CLTCL1: variants seen among roughly 807,000 people sequenced by gnomAD.
CLTCL1 encodes clathrin heavy chain like 1, also known as clathrin heavy chain 2.
CLTCL1 carries 159 observed loss-of-function variants against 190.0 expected under a neutral mutation model. The observed-to-expected ratio is 0.84, with a 90% CI of 0.74 to 0.95. The LOEUF (loss-of-function observed/expected upper bound fraction) is 0.95, where lower values mean the gene tolerates loss of function less well. CLTCL1 is among the 40% of genes least tolerant of loss of function. The probability of loss-of-function intolerance (pLI) is 0.00; values close to 1 mark genes in which losing one functional copy is unlikely to be tolerated. For synonymous variants in CLTCL1, 752 were observed against 769.6 expected (o/e 0.98, Z 0.38); for missense variants, 1,878 against 2,033.4 (o/e 0.92, Z 1.47).
intron 17 of CLTCL1, 57 bp from the exon 18 acceptor site, chr22:19,220,064 G>T: frequency 3.1e-6 from 5 of 1,609,724 alleles, no homozygotes; most frequent in Non-Finnish European, 4.2e-6. Flanking sequence ...AAGCTGCTTG[G>T]GAGGACACAC....
chr22:19,213,321 A>AC (rs1758338724), intron 19 of CLTCL1, among the ~76,000 whole-genome samples: 1 of 152,222 alleles, frequency 6.6e-6, no homozygotes, highest in Non-Finnish European at 1.5e-5. Context: ...ATACCAATAT[A>AC]CCAAGTGCTG....
At chr22:19,261,332 G>C (rs966931754) in intron 2 of CLTCL1, among the ~76,000 whole-genome samples, 2 of 152,014 alleles carry the variant, frequency 1.3e-5, no homozygotes, top group Non-Finnish European at 2.9e-5. Context: ...GGATGGTCTC[G>C]ACCTCCTGAC....
intron 4 of CLTCL1, among the ~76,000 whole-genome samples, chr22:19,241,941 CTTTT>C (rs35692303): frequency 1.4e-5 from 2 of 139,078 alleles, no homozygotes; most frequent in Non-Finnish European, 3.1e-5. Context: ...CCTCATCTAC[CTTTT>C]TTTTTTTTTT....
chr22:19,257,066 C>G lies in CLTCL1; in HGVS notation c.251-2839G>C, dbSNP rs138892348. ...TCAAAAAACTCAATAGGCCCAAACA[C>G]ATTTTTTATAAAAATAGAAAAATCC... On this transcript the variant is annotated intron_variant, in intron 2 of 32. Coordinates refer to ENST00000427926, the MANE Select transcript of CLTCL1 (RefSeq NM_007098.4). 1.5e-3 allele frequency among the ~76,000 whole-genome samples: 235 copies of G among 152,136 alleles called. 1 individual carries two copies. The highest frequency in any genetic ancestry group is 2.5e-3 in the Non-Finnish European group (169 of 68,026).
intron 13 of CLTCL1, 73 bp downstream of exon 13, chr22:19,225,380 G>A: frequency 6.9e-7 from 1 of 1,440,834 alleles, no homozygotes; most frequent in Non-Finnish European, 9.3e-7. Flanking sequence ...CTTAAGGCGG[G>A]CAGGTAGGCA....
chr22:19,195,941 G>A (rs139033495), intron 26 of CLTCL1, among the ~76,000 whole-genome samples: 323 of 152,300 alleles, frequency 2.1e-3, no homozygotes, highest in African/African-American at 7.4e-3. Flanking sequence ...AAGGAAGAAC[G>A]AACTGAGGCC....
chr22:19,193,445 G>A (rs1225558059), intron 26 of CLTCL1, among the ~76,000 whole-genome samples: 1 of 152,128 alleles, frequency 6.6e-6, no homozygotes, highest in South Asian at 2.1e-4. Flanking sequence ...GATCCAAGCT[G>A]AAAGACAGGA....
intron 22 of CLTCL1, among the ~76,000 whole-genome samples, 192 bp from the exon 23 acceptor site, chr22:19,201,685 G>A (rs1319442513): frequency 1.3e-5 from 2 of 151,968 alleles, no homozygotes; most frequent in East Asian, 3.9e-4. Context: ...CCACCTCAGG[G>A]GGCGCTTCTA....
chr22:19,187,651 C>G lies in CLTCL1; in HGVS notation c.4512G>C (p.Leu1504=). The G allele has an allele frequency of 6.2e-7, 1 of 1,613,838 alleles. No homozygotes were observed. Among genetic ancestry groups the G allele is most frequent in the Non-Finnish European group, 8.5e-7 (1 of 1,179,902 alleles). ...AGGCCGCAATGCACCTGAACTCCAT[C>G]AGCTGATGCTTCTCCAGCTGCTGAG... is the stretch of plus-strand genomic sequence containing the variant. ...SLAQQLEKHQ[L]MEFRCIAAYL... Residue 1504 remains leucine, a synonymous_variant, in exon 29 of 33, where the codon CTG becomes CTC. Transcript: ENST00000427926.
intron 1 of CLTCL1, among the ~76,000 whole-genome samples, chr22:19,279,138 GTATT>G (rs1163482536): frequency 6.6e-6 from 1 of 151,940 alleles, no homozygotes; most frequent in Non-Finnish European, 1.5e-5. Context: ...ATGTATTTAT[GTATT>G]TATTTATTTA....
At chr22:19,232,365 A>T in intron 10 of CLTCL1, 111 bp downstream of exon 10, 2 of 1,444,456 alleles carry the variant, frequency 1.4e-6, no homozygotes, top group Non-Finnish European at 1.9e-6. Context: ...CTGCAAGATT[A>T]ATAGCAGATG....
At chr22:19,193,849 T>G (rs1601465547) in intron 26 of CLTCL1, among the ~76,000 whole-genome samples, 1 of 152,322 alleles carries the variant, frequency 6.6e-6, no homozygotes, top group South Asian at 2.1e-4. Context: ...CTCCAGACCT[T>G]CGCAGTGAGT....
At chr22:19,217,980 T>C (rs1877296241) in intron 18 of CLTCL1, among the ~76,000 whole-genome samples, 1 of 152,190 alleles carries the variant, frequency 6.6e-6, no homozygotes, top group Non-Finnish European at 1.5e-5. Context: ...CACCTAAGGT[T>C]GCCTCAGGAC....
At chr22:19,192,534 TAA>T (rs1367927529) in intron 26 of CLTCL1, among the ~76,000 whole-genome samples, 1 of 152,206 alleles carries the variant, frequency 6.6e-6, no homozygotes, top group Non-Finnish European at 1.5e-5. Context: ...CAGCTGGAGC[TAA>T]AGTCATGCTG....
Position 19,225,568 on chromosome 22 carries a change from C to A in CLTCL1, c.2013G>T (p.Leu671=), listed in dbSNP as rs367815723. ...GAAGGTTCTGTCTGATGTTAGCAGA[C>A]AGCATGGCATGCAGACACTCCACAG... ...EDSVECLHAM[L]SANIRQNLQL... The change falls in exon 13 of 33, where the codon CTG becomes CTT. Residue 671 remains leucine, a synonymous_variant. Transcript: ENST00000427926. The A allele has an allele frequency of 6.3e-7, 1 of 1,585,514 alleles. No individual in the cohort carries two copies. The highest frequency in any genetic ancestry group is 1.8e-5 in the Admixed American group (1 of 55,636).
At chr22:19,201,589 G>A in intron 22 of CLTCL1, 96 bp from the exon 23 acceptor site, 4 of 1,293,992 alleles carry the variant, frequency 3.1e-6, no homozygotes, top group Non-Finnish European at 4.3e-6. Context: ...GTATTTTTCT[G>A]TTTGCTAGGG....
intron 1 of CLTCL1, among the ~76,000 whole-genome samples, chr22:19,286,018 T>C (rs782417927): frequency 5.3e-5 from 8 of 152,186 alleles, no homozygotes; most frequent in Non-Finnish European, 8.8e-5. Context: ...AGACAGAGGC[T>C]GAACTGAAAG....
At position 19,257,623 on chromosome 22, in the gene CLTCL1, G is replaced by A. The variant is rs971716400; in HGVS notation, c.251-3396C>T. 1.4e-5 allele frequency: 6 copies of A among 414,922 alleles called. No homozygotes were observed. In the Admixed American group the frequency reaches 1.6e-4, roughly 11 times the overall value. 25.7% of individuals were successfully genotyped at this position (414,922 alleles called of 1,614,324 possible). Reference sequence around the variant, plus strand: ...ACCCGGTTGATCAGCAGTCCAGCCGGCATCTATGCAGATGTAAGGGATTTG... The same window carrying A: ...ACCCGGTTGATCAGCAGTCCAGCCGACATCTATGCAGATGTAAGGGATTTG... On this transcript the variant is annotated intron_variant, in intron 2 of 32. Transcript: ENST00000427926.
chr22:19,289,122 T>C (rs1292331096), intron 1 of CLTCL1, among the ~76,000 whole-genome samples: 1 of 152,188 alleles, frequency 6.6e-6, no homozygotes, highest in Non-Finnish European at 1.5e-5. Context: ...TAGCTGGGAC[T>C]ACAGGTGCGT....
Sources: gnomAD v4.1 joint callset for allele counts (sites outside exome capture counted in the v4.1 genomes callset) on GRCh38, gnomAD v4.1.1 for gene constraint, MANE v1.5 for transcripts, NCBI Gene and HGNC (gene_info 2026-07-23, HGNC 2026-07-21) for gene names.